The following TULP4 variants were observed in gnomAD, a reference collection of about 807,000 sequenced individuals.
TULP4 encodes the protein tubby-related protein 4.
TULP4 carries 16 observed loss-of-function variants against 129.0 expected under a neutral mutation model. That is an observed-to-expected ratio of 0.12 (90% CI 0.08 to 0.19). The LOEUF (loss-of-function observed/expected upper bound fraction) is 0.19. TULP4 is among the 10% of genes least tolerant of loss of function. The pLI is 1.00. For synonymous variants in TULP4, 998 were observed against 854.0 expected, an observed-to-expected ratio of 1.17 and a Z score of -2.94; for missense variants, 1,842 against 2,059.1, an observed-to-expected ratio of 0.89 and a Z score of 2.04.
chr6:158,359,584 G>C (rs1780721745), intron 1 of TULP4, among the ~76,000 whole-genome samples: 1 of 152,096 alleles, frequency 6.6e-6, no homozygotes, highest in African/African-American at 2.4e-5. Context: ...TCTTCTGCCT[G>C]CTTTTTATTC....
At position 158,365,606 on chromosome 6, in the gene TULP4, A is replaced by G. The variant is rs922512448; in HGVS notation, c.253-47459A>G. Among the ~76,000 whole-genome samples the G allele has an allele frequency of 1.3e-5, 2 of 150,924 alleles. 1 individual carries two copies. Among genetic ancestry groups the G allele is most frequent in the African/African-American group, 4.9e-5 (2 of 40,980 alleles). ...ATTCTCCTGCCTCAGCCTCCTGAGT[A>G]GCTGGGACTACAGGTGCCCGCCACC... On this transcript the variant is annotated intron_variant, in intron 1 of 13. Transcript: ENST00000367097.
chr6:158,376,848 G>A lies in TULP4; in HGVS notation c.253-36217G>A, dbSNP rs117238544. ...ATGTGGCTGTCAGGCCAGTAGCTGC[G>A]GCAGCCATCCCATGACCACAGGGAG... On this transcript the variant is annotated intron_variant, in intron 1 of 13. Transcript: ENST00000367097. Among the ~76,000 whole-genome samples the A allele has an allele frequency of 5.9e-4, 90 of 152,304 alleles. No homozygotes were observed. The East Asian group carries it at 8.7e-3, about 15-fold the overall frequency.
chr6:158,364,492 G>C (rs1033573586), intron 1 of TULP4, among the ~76,000 whole-genome samples: 1 of 152,112 alleles, frequency 6.6e-6, no homozygotes, highest in African/African-American at 2.4e-5. Flanking sequence ...TTGTATTTCA[G>C]AAATATCTTT....
chr6:158,443,134 C>A (rs1283388871), intron 3 of TULP4, among the ~76,000 whole-genome samples: 1 of 152,104 alleles, frequency 6.6e-6, no homozygotes, highest in Non-Finnish European at 1.5e-5. Context: ...CAGGCGTGCA[C>A]CACCAAGCCC....
At chr6:158,335,849 C>A (rs139433895) in intron 1 of TULP4, among the ~76,000 whole-genome samples, 10 of 152,310 alleles carry the variant, frequency 6.6e-5, no homozygotes, top group Non-Finnish European at 1.5e-4. Context: ...CCCAACAACT[C>A]TCCAAGTTTG....
chr6:158,476,744 A>G (rs76181892), intron 6 of TULP4, among the ~76,000 whole-genome samples: 150 of 152,308 alleles, frequency 9.8e-4, no homozygotes, highest in African/African-American at 3.6e-3. Context: ...GCTTTGACCA[A>G]ATGGACTAAG....
chr6:158,418,388 A>G (rs919960074), intron 2 of TULP4, among the ~76,000 whole-genome samples: 3 of 147,874 alleles, frequency 2.0e-5, no homozygotes, highest in African/African-American at 7.5e-5. Context: ...AATTGCAGGC[A>G]TGAGCCACCA....
intron 1 of TULP4, among the ~76,000 whole-genome samples, chr6:158,236,125 C>T (rs974168768): frequency 6.6e-6 from 1 of 152,142 alleles, no homozygotes; most frequent in Non-Finnish European, 1.5e-5. Context: ...TATAGGGCTC[C>T]TTTAAAATTC....
intron 1 of TULP4, among the ~76,000 whole-genome samples, chr6:158,380,664 C>T (rs1403012821): frequency 2.0e-5 from 3 of 151,540 alleles, no homozygotes; most frequent in Non-Finnish European, 4.4e-5. Context: ...GAGGTTGAGG[C>T]GGGTGGATTA....
At chr6:158,486,689 G>A (rs777540003) in intron 8 of TULP4, among the ~76,000 whole-genome samples, 16 of 152,328 alleles carry the variant, frequency 1.1e-4, no homozygotes, top group South Asian at 2.1e-4. Flanking sequence ...TCCAGAGTAT[G>A]AGGAAACAAT....
chr6:158,359,811 A>T (rs1013731726), intron 1 of TULP4, among the ~76,000 whole-genome samples: 6 of 152,168 alleles, frequency 3.9e-5, no homozygotes, highest in Non-Finnish European at 8.8e-5. Flanking sequence ...AAACTCCCAG[A>T]ATTTATCTTC....
In TULP4 at chr6:158,503,681, C is replaced by T. The variant is rs370511300; in HGVS notation, c.4018C>T (p.Arg1340Cys). The change falls in exon 13 of 14, where the codon CGC becomes TGC. Residue 1340 changes from arginine to cysteine, a missense_variant. Physicochemically the swap from Arg to Cys is radical, Grantham distance 180 (BLOSUM62 -3). This residue lies in a region of TULP4 where 1,089 missense variants were observed against 987.1 expected (regional missense o/e 1.10). Transcript: ENST00000367097. The surrounding 1 kb of genome is among the most constrained non-coding windows in gnomAD (Gnocchi z 4.3). Reference protein sequence around the residue: ...TEKFGKKNRKRLDSRAEEGSV... With the variant: ...TEKFGKKNRKCLDSRAEEGSV... ...AAAATTTGGAAAGAAGAACCGGAAG[C>T]GCCTGGACAGCCGAGCAGAAGAAGG... 18 of 1,613,784 alleles carry T rather than the reference C, an allele frequency of 1.1e-5. No homozygotes were observed. Among genetic ancestry groups the T allele is most frequent in the East Asian group, 6.7e-5 (3 of 44,890 alleles).
intron 1 of TULP4, among the ~76,000 whole-genome samples, chr6:158,315,487 T>G (rs888105190): frequency 2.0e-5 from 3 of 152,176 alleles, no homozygotes; most frequent in Non-Finnish European, 4.4e-5. Flanking sequence ...ATATAAACAT[T>G]CAGTAAGGTG....
At chr6:158,470,936 G>A (rs1779667405) in intron 6 of TULP4, among the ~76,000 whole-genome samples, 1 of 152,154 alleles carries the variant, frequency 6.6e-6, no homozygotes, top group Admixed American at 6.5e-5. Flanking sequence ...TTGAGGGGAA[G>A]GCAGAGAGAG....
chr6:158,328,235 C>T (rs564215917), intron 1 of TULP4, among the ~76,000 whole-genome samples: 2 of 151,716 alleles, frequency 1.3e-5, no homozygotes, highest in East Asian at 1.9e-4. Flanking sequence ...CAGACACCAT[C>T]CTAAGTGCTA....
At position 158,489,594 on chromosome 6, in the gene TULP4, T is replaced by C; in HGVS notation, c.1493T>C (p.Ile498Thr). The change falls in exon 9 of 14, where the codon ATC becomes ACC. Residue 498 changes from isoleucine to threonine, a missense_variant. Ile to Thr is a moderately conservative substitution (Grantham distance 89). Around this residue, in one of 5 missense-constraint regions of TULP4, gnomAD observed 456 missense variants for 534.3 expected, o/e 0.85. Coordinates refer to ENST00000367097, the MANE Select transcript of TULP4 (RefSeq NM_020245.5). ...DPRTDSKPDE[I>T]YGNSLISTVI... ...CTGGTTGGTGTTTTACCAGATGAAA[T>C]CTATGGGAACAGCTTGATTTCTACT... is the stretch of plus-strand genomic sequence containing the variant. 1 of 1,614,140 alleles carries C rather than the reference T, an allele frequency of 6.2e-7. No homozygotes were observed.
chr6:158,344,065 C>A (rs1442129868), intron 1 of TULP4, among the ~76,000 whole-genome samples: 1 of 152,098 alleles, frequency 6.6e-6, no homozygotes, highest in Non-Finnish European at 1.5e-5. Context: ...TTGTAATCTC[C>A]CCCACCCTTA....
chr6:158,432,067 C>T (rs977683757), intron 3 of TULP4, among the ~76,000 whole-genome samples: 1 of 146,472 alleles, frequency 6.8e-6, no homozygotes, highest in Admixed American at 6.9e-5. Context: ...TCGAGACCAG[C>T]CTAGGCAACA....
chr6:158,358,204 A>T (rs952237029), intron 1 of TULP4, among the ~76,000 whole-genome samples: 3 of 152,214 alleles, frequency 2.0e-5, no homozygotes, highest in African/African-American at 7.2e-5. Flanking sequence ...AAGTGGAAGG[A>T]GGGAGAGAGT....
Sources: allele counts gnomAD v4.1 joint callset (sites outside exome capture counted in the v4.1 genomes callset), GRCh38; gene constraint gnomAD v4.1.1; regional missense constraint gnomAD v4.1.1; non-coding constraint Gnocchi (gnomAD v3.1); transcripts MANE v1.5; gene names NCBI Gene and HGNC (gene_info 2026-07-23, HGNC 2026-07-21).